The following CNTNAP2 variants were observed in gnomAD, a reference collection of about 807,000 sequenced individuals.
The protein encoded by CNTNAP2 is contactin associated protein 2, also known as contactin-associated protein-like 2.
CNTNAP2 carries 98 observed loss-of-function variants against 155.2 expected under a neutral mutation model. That is an observed-to-expected ratio of 0.63 (90% confidence interval 0.54 to 0.75). The LOEUF (loss-of-function observed/expected upper bound fraction) is 0.75, where lower values mean the gene tolerates loss of function less well. Ranked by LOEUF, CNTNAP2 falls within the 30% of genes least tolerant of loss-of-function variation. The probability of loss-of-function intolerance (pLI) is 0.00; values close to 1 mark genes in which losing one functional copy is unlikely to be tolerated. For missense variants in CNTNAP2, 1,727 were observed against 1,688.1 expected (o/e 1.02, Z -0.40); for synonymous variants, 651 against 631.2 (o/e 1.03, Z -0.47).
chr7:147,162,491 G>T (rs1354245240), intron 8 of CNTNAP2, among the ~76,000 whole-genome samples: 1 of 152,128 alleles, frequency 6.6e-6, no homozygotes, highest in Admixed American at 6.6e-5. Context: ...GTGTAGACAG[G>T]TATTAACTTA....
intron 3 of CNTNAP2, among the ~76,000 whole-genome samples, chr7:146,936,239 A>G (rs1177404112): frequency 6.6e-6 from 1 of 152,178 alleles, no homozygotes; most frequent in African/African-American, 2.4e-5. Context: ...ATCACTAGGC[A>G]CCAACAGAAG....
At chr7:148,183,087 G>A (rs1795063611) in intron 18 of CNTNAP2, among the ~76,000 whole-genome samples, 1 of 152,222 alleles carries the variant, frequency 6.6e-6, no homozygotes, top group Non-Finnish European at 1.5e-5. Flanking sequence ...CATGTACAGA[G>A]AGCCTGCTGT....
chr7:147,058,305 C>T (rs188799455), intron 4 of CNTNAP2, among the ~76,000 whole-genome samples: 1 of 152,178 alleles, frequency 6.6e-6, no homozygotes, highest in East Asian at 1.9e-4. Context: ...AAAAAGTAGA[C>T]ATTCAAAACA....
intron 21 of CNTNAP2, among the ~76,000 whole-genome samples, chr7:148,357,330 T>A (rs1053371021): frequency 3.3e-5 from 5 of 152,218 alleles, no homozygotes; most frequent in Non-Finnish European, 5.9e-5. Context: ...TCCCCAGCCA[T>A]GTGGAACTGT....
At chr7:146,533,276 C>T (rs1237804276) in intron 1 of CNTNAP2, among the ~76,000 whole-genome samples, 1 of 152,064 alleles carries the variant, frequency 6.6e-6, no homozygotes, top group Non-Finnish European at 1.5e-5. Flanking sequence ...AAATTTGAAG[C>T]TCAAACATTG....
chr7:146,640,868 TTAGAGG>T (rs1159080844), intron 1 of CNTNAP2, among the ~76,000 whole-genome samples: 8 of 152,088 alleles, frequency 5.3e-5, no homozygotes, highest in Non-Finnish European at 1.0e-4. Flanking sequence ...AATCTCACTG[TTAGAGG>T]TAATGTGGAA....
Position 147,955,967 on chromosome 7 carries a change from C to T in CNTNAP2, c.2256-21895C>T, listed in dbSNP as rs1053038853. 1.4e-4 allele frequency among the ~76,000 whole-genome samples: 22 copies of T among 152,164 alleles called. No individual in the cohort carries two copies. The East Asian group carries it at 4.1e-3, about 28-fold the overall frequency. On this transcript the variant is annotated intron_variant, in intron 14 of 23. Coordinates refer to ENST00000361727, the MANE Select transcript of CNTNAP2 (RefSeq NM_014141.6). ...GGTGCTATTTATAGTGAAAAATTTT[C>T]CCCCAAGCAAGAATTCCATAGTAAA... is the stretch of plus-strand genomic sequence containing the variant.
intron 1 of CNTNAP2, among the ~76,000 whole-genome samples, chr7:146,596,624 A>AGG (rs1798864441): frequency 6.6e-6 from 1 of 150,956 alleles, no homozygotes; most frequent in South Asian, 2.1e-4. Flanking sequence ...AGAGAGAGAG[A>AGG]GAGAGAGAGA....
chr7:148,271,403 A>C (rs1219388895), intron 21 of CNTNAP2, among the ~76,000 whole-genome samples: 1 of 152,236 alleles, frequency 6.6e-6, no homozygotes, highest in African/African-American at 2.4e-5. Context: ...AGTTGTGACA[A>C]CCAAAAATGT....
At chr7:147,414,838 G>T (rs888322960) in intron 10 of CNTNAP2, among the ~76,000 whole-genome samples, 3 of 151,052 alleles carry the variant, frequency 2.0e-5, no homozygotes, top group African/African-American at 7.3e-5. Flanking sequence ...CTACGCGGGA[G>T]GCTGAGGCAG....
At position 146,116,897 on chromosome 7, in the gene CNTNAP2, C is replaced by T; in HGVS notation, c.21C>T (p.Ala7=). MQAAPR[A]GCGAALLLWI... ...GAAGGATGCAGGCGGCTCCGCGCGC[C>T]GGCTGCGGGGCAGCGCTCCTGCTGT... The change falls in exon 1 of 24, where the codon GCC becomes GCT. Residue 7 remains alanine, a synonymous_variant. Transcript: ENST00000361727. This position sits in a 1 kb window ranked among gnomAD's most constrained non-coding sequence, Gnocchi z 5.5. 2 of 1,546,584 alleles carry T rather than the reference C, an allele frequency of 1.3e-6. No homozygotes were observed. The highest frequency in any genetic ancestry group is 1.7e-6 in the Non-Finnish European group (2 of 1,143,798).
At chr7:148,128,712 C>G (rs1230290472) in intron 16 of CNTNAP2, among the ~76,000 whole-genome samples, 1 of 152,132 alleles carries the variant, frequency 6.6e-6, no homozygotes, top group African/African-American at 2.4e-5. Context: ...TTTCAAGTTA[C>G]TTTAGAGTTT....
At chr7:146,133,814 T>C (rs1186927297) in intron 1 of CNTNAP2, among the ~76,000 whole-genome samples, 1 of 152,204 alleles carries the variant, frequency 6.6e-6, no homozygotes, top group Non-Finnish European at 1.5e-5. Flanking sequence ...TTGGTTACTG[T>C]AGCCTTGTAG....
At chr7:146,858,895 T>C (rs1416070290) in intron 3 of CNTNAP2, among the ~76,000 whole-genome samples, 1 of 152,204 alleles carries the variant, frequency 6.6e-6, no homozygotes, top group African/African-American at 2.4e-5. Context: ...CATGTCAGCA[T>C]AAATGCCTTT....
Position 146,469,518 on chromosome 7 carries a change from CTTTTTTTTTTTT to C in CNTNAP2, c.98-304742_98-304731del, listed in dbSNP as rs544057518. Reference sequence around the variant, plus strand: ...AGGTAACCACTGTCTTAATAATTGACTTTTTTTTTTTTTTTTTTTTTTAAGATGGAATCTTGC... The same window carrying C: ...AGGTAACCACTGTCTTAATAATTGACTTTTTTTTTTAAGATGGAATCTTGC... On this transcript the variant is annotated intron_variant, in intron 1 of 23. Transcript: ENST00000361727. Among the ~76,000 whole-genome samples the C allele has an allele frequency of 6.9e-3, 897 of 129,084 alleles. 9 individuals carry two copies. The highest frequency in any genetic ancestry group is 0.024 in the African/African-American group (826 of 34,652). The allele number at this position is 129,084 out of a possible 152,430, so 84.7% of individuals were successfully genotyped here.
intron 16 of CNTNAP2, among the ~76,000 whole-genome samples, chr7:148,134,532 T>G (rs1804897527): frequency 6.6e-6 from 1 of 152,214 alleles, no homozygotes; most frequent in Admixed American, 6.5e-5. Flanking sequence ...TTGACCACTC[T>G]GTTTTTTAAA....
At chr7:147,291,412 G>C (rs1048088727) in intron 8 of CNTNAP2, among the ~76,000 whole-genome samples, 1 of 151,866 alleles carries the variant, frequency 6.6e-6, no homozygotes, top group Non-Finnish European at 1.5e-5. Context: ...CATAAAATAT[G>C]TTATTTTTAT....
chr7:147,137,030 C>A (rs1270438091), intron 8 of CNTNAP2, among the ~76,000 whole-genome samples: 2 of 151,722 alleles, frequency 1.3e-5, no homozygotes, highest in Middle Eastern at 3.6e-3. Flanking sequence ...TTATTAGAAG[C>A]CTTAAAAGAT....
chr7:146,927,436 T>A (rs936155784), intron 3 of CNTNAP2, among the ~76,000 whole-genome samples: 5 of 152,164 alleles, frequency 3.3e-5, no homozygotes, highest in African/African-American at 1.2e-4. Context: ...ATTAGAAATA[T>A]ATATAATGAT....
Sources: allele counts gnomAD v4.1 joint callset (sites outside exome capture counted in the v4.1 genomes callset), GRCh38; gene constraint gnomAD v4.1.1; non-coding constraint Gnocchi (gnomAD v3.1); transcripts MANE v1.5; gene names NCBI Gene and HGNC (gene_info 2026-07-23, HGNC 2026-07-21).